The following NECAB1 variants were observed in gnomAD, a reference collection of about 807,000 sequenced individuals.
NECAB1 encodes the protein N-terminal EF-hand calcium binding protein 1.
In NECAB1, 29 loss-of-function variants were observed where a neutral mutation model predicts 57.5. The ratio of observed to expected loss-of-function variants is 0.50; its 90% CI spans 0.38 to 0.69. NECAB1 has a LOEUF of 0.69. Ranked by LOEUF, NECAB1 falls within the 30% of genes least tolerant of loss-of-function variation. The pLI, the probability that NECAB1 is intolerant of heterozygous loss-of-function variation, is 0.00. For missense variants in NECAB1, 372 were observed against 413.8 expected, an observed-to-expected ratio of 0.90 and a Z score of 0.88; for synonymous variants, 142 against 147.7, an observed-to-expected ratio of 0.96 and a Z score of 0.28.
Position 90,874,947 on chromosome 8 carries a change from A to ATTTT in NECAB1, c.259+2801_259+2804dup, listed in dbSNP as rs10631858. 9.3e-3 allele frequency among the ~76,000 whole-genome samples: 1,385 copies of ATTTT among 149,314 alleles called. 23 individuals carry two copies. The highest frequency in any genetic ancestry group is 0.084 in the East Asian group (429 of 5,096). ...CAATTGTGAAGGCCTTCCTAAATGCATTTTTTTTTTGCCGTATCTTATCAC... is the reference window on the plus strand; with the variant it reads ...CAATTGTGAAGGCCTTCCTAAATGCATTTTTTTTTTTTTTGCCGTATCTTATCAC... On this transcript the variant is annotated intron_variant, in intron 4 of 12. Coordinates refer to ENST00000417640, the MANE Select transcript of NECAB1 (RefSeq NM_022351.5).
At chr8:90,872,397 A>G (rs1297240570) in intron 4 of NECAB1, 2 of 374,652 alleles carry the variant, frequency 5.3e-6, no homozygotes, top group Admixed American at 4.6e-5. Context: ...CAATCAGTAC[A>G]TTAGTTTCGC....
intron 3 of NECAB1, among the ~76,000 whole-genome samples, chr8:90,836,506 A>G (rs1157217113): frequency 6.6e-6 from 1 of 152,218 alleles, no homozygotes; most frequent in Non-Finnish European, 1.5e-5. Flanking sequence ...GTTTAGAATA[A>G]TTAGAAATCT....
chr8:90,874,854 A>T (rs958501386), intron 4 of NECAB1, among the ~76,000 whole-genome samples: 1 of 152,186 alleles, frequency 6.6e-6, no homozygotes, highest in African/African-American at 2.4e-5. Flanking sequence ...TTCCTCAATC[A>T]AGGCTTCTCT....
chr8:90,827,550 A>G (rs1051674215), intron 3 of NECAB1, among the ~76,000 whole-genome samples: 2 of 151,998 alleles, frequency 1.3e-5, no homozygotes, highest in African/African-American at 4.8e-5. Context: ...AGTGTTACCC[A>G]ATCACAGTCC....
chr8:90,833,343 ATTTTC>A (rs549192447), intron 3 of NECAB1, among the ~76,000 whole-genome samples: 119 of 150,380 alleles, frequency 7.9e-4, no homozygotes, highest in Non-Finnish European at 1.3e-3. Context: ...TCTTTTTTAT[ATTTTC>A]TTATCTAGAG....
intron 5 of NECAB1, among the ~76,000 whole-genome samples, chr8:90,916,652 G>A (rs1586121128): frequency 6.6e-6 from 1 of 152,296 alleles, no homozygotes; most frequent in East Asian, 1.9e-4. Flanking sequence ...TGATCTGAAA[G>A]AGTGGCCCTG....
At chr8:90,921,661 C>T (rs374000550) in intron 6 of NECAB1, among the ~76,000 whole-genome samples, 20 of 150,652 alleles carry the variant, frequency 1.3e-4, no homozygotes, top group Admixed American at 5.3e-4. Context: ...GCAACAAAAG[C>T]GAAACTCCAT....
chr8:90,932,242 C>T (rs928350875), intron 8 of NECAB1, among the ~76,000 whole-genome samples: 5 of 152,124 alleles, frequency 3.3e-5, no homozygotes, highest in African/African-American at 1.2e-4. Flanking sequence ...CATCTGTATA[C>T]ATTACATATA....
chr8:90,809,742 T>C (rs991212794), intron 2 of NECAB1, among the ~76,000 whole-genome samples: 2 of 152,212 alleles, frequency 1.3e-5, no homozygotes, highest in Non-Finnish European at 2.9e-5. Flanking sequence ...ATGAGAGTTC[T>C]CCTGTGAATA....
In NECAB1 at chr8:90,858,954, C is replaced by G. The variant is rs1812845605; in HGVS notation, c.234-13174C>G. On this transcript the variant is annotated intron_variant, in intron 3 of 12. Coordinates refer to ENST00000417640, the MANE Select transcript of NECAB1 (RefSeq NM_022351.5). ...AGTTGGGGTGTTTTTTACTCTCATG[C>G]CAGTCAATTGGGCTTTTCCAACCTG... 2.7e-5 allele frequency: 4 copies of G among 149,048 alleles called. No individual in the cohort carries two copies. In the Admixed American group the frequency reaches 2.7e-4, roughly 10 times the overall value. 9.2% of individuals were successfully genotyped at this position (149,048 alleles called of 1,614,324 possible). A position where few individuals can be genotyped will look rare whatever the true frequency, so the allele number is the denominator to read the frequency against.
chr8:90,870,858 G>T (rs1808610891), intron 3 of NECAB1, among the ~76,000 whole-genome samples: 1 of 152,146 alleles, frequency 6.6e-6, no homozygotes, highest in Non-Finnish European at 1.5e-5. Flanking sequence ...TGAATGAATG[G>T]GAGTGCATAC....
chr8:90,839,965 G>A (rs1419495204), intron 3 of NECAB1, among the ~76,000 whole-genome samples: 2 of 152,192 alleles, frequency 1.3e-5, no homozygotes, highest in African/African-American at 4.8e-5. Context: ...CCAGGTAAGA[G>A]GTGCTTCAGC....
chr8:90,825,607 G>C (rs189313468), intron 3 of NECAB1, among the ~76,000 whole-genome samples: 2 of 151,830 alleles, frequency 1.3e-5, no homozygotes, highest in Non-Finnish European at 2.9e-5. Context: ...CTTAGGCAAA[G>C]TGTTGAGATG....
chr8:90,903,794 T>G (rs956676818), intron 5 of NECAB1: 1 of 152,132 alleles, frequency 6.6e-6, no homozygotes, highest in Non-Finnish European at 1.5e-5. Context: ...GAGGCCAAAA[T>G]GTAAGTGAAA....
chr8:90,918,487 T>C (rs527988728), intron 6 of NECAB1, among the ~76,000 whole-genome samples: 1 of 152,060 alleles, frequency 6.6e-6, no homozygotes, highest in Non-Finnish European at 1.5e-5. Flanking sequence ...ATAAATACCG[T>C]AGAGAAGAGG....
At chr8:90,854,320 G>A (rs1812750619) in intron 3 of NECAB1, among the ~76,000 whole-genome samples, 1 of 152,120 alleles carries the variant, frequency 6.6e-6, no homozygotes, top group Non-Finnish European at 1.5e-5. Context: ...AAAACGCTAT[G>A]TCTGTAATTG....
At chr8:90,828,753 G>A (rs1439063408) in intron 3 of NECAB1, among the ~76,000 whole-genome samples, 1 of 152,020 alleles carries the variant, frequency 6.6e-6, no homozygotes, top group Non-Finnish European at 1.5e-5. Flanking sequence ...GTAATTGATT[G>A]AGTGTAGAAC....
chr8:90,900,242 G>GT (rs2064072822), intron 5 of NECAB1, among the ~76,000 whole-genome samples: 1 of 152,126 alleles, frequency 6.6e-6, no homozygotes, highest in South Asian at 2.1e-4. Flanking sequence ...ACACACAACA[G>GT]AACAAGCATA....
At chr8:90,796,163 AACCAGTGGCCTGGTAGTAAAACT>A (rs1211114174) in intron 1 of NECAB1, among the ~76,000 whole-genome samples, 2 of 152,178 alleles carry the variant, frequency 1.3e-5, no homozygotes, top group African/African-American at 4.8e-5. Context: ...GTTTCAGGGC[AACCAGTGGCCTGGTAGTAAAACT>A]ACCTGCTGGA....
Sources: gnomAD v4.1 joint callset for allele counts (sites outside exome capture counted in the v4.1 genomes callset) on GRCh38, gnomAD v4.1.1 for gene constraint, MANE v1.5 for transcripts, NCBI Gene and HGNC (gene_info 2026-07-23, HGNC 2026-07-21) for gene names.